Variants in CCDC169 observed in about 807,000 individuals in gnomAD.
CCDC169 encodes the protein coiled-coil domain-containing protein 169.
Under a neutral mutation model 36.0 loss-of-function variants are expected in CCDC169, and 30 were observed. That is an observed-to-expected ratio of 0.83 (90% confidence interval 0.62 to 1.13). The LOEUF is 1.13. Ranked by LOEUF, CCDC169 falls within the 50% of genes most tolerant of loss-of-function variation. The probability of loss-of-function intolerance (pLI) is 0.00; values close to 1 mark genes in which losing one functional copy is unlikely to be tolerated. For missense variants in CCDC169, 245 were observed against 245.9 expected, an observed-to-expected ratio of 1.00 and a Z score of 0.03; for synonymous variants, 85 against 81.5, an observed-to-expected ratio of 1.04 and a Z score of -0.23.
chr13:36,287,382 C>A (rs1336609840), intron 2 of CCDC169, among the ~76,000 whole-genome samples: 2 of 152,124 alleles, frequency 1.3e-5, no homozygotes, highest in African/African-American at 2.4e-5. Flanking sequence ...CCTATTAGGG[C>A]AAATGAAGTT....
At chr13:36,246,353 A>C (rs1280635574) in intron 7 of CCDC169, among the ~76,000 whole-genome samples, 4 of 152,256 alleles carry the variant, frequency 2.6e-5, no homozygotes, top group African/African-American at 4.8e-5. Flanking sequence ...ACTCTAGTGA[A>C]CACACAAATG....
intron 2 of CCDC169, among the ~76,000 whole-genome samples, chr13:36,285,524 T>C (rs1878078502): frequency 6.6e-6 from 1 of 151,804 alleles, no homozygotes; most frequent in African/African-American, 2.4e-5. Context: ...CACTCTAACC[T>C]GGGTGACATA....
intron 7 of CCDC169, among the ~76,000 whole-genome samples, chr13:36,243,736 G>T (rs1332762824): frequency 1.3e-5 from 2 of 152,144 alleles, no homozygotes; most frequent in Non-Finnish European, 2.9e-5. Flanking sequence ...AACCCAGGAG[G>T]CAGAGGTTGC....
intron 2 of CCDC169, among the ~76,000 whole-genome samples, chr13:36,289,861 T>A (rs1201785173): frequency 6.6e-6 from 1 of 152,192 alleles, no homozygotes; most frequent in Non-Finnish European, 1.5e-5. Context: ...TTGAGCCCTT[T>A]AACATTTTTA....
At chr13:36,260,120 G>A (rs912674639) in intron 4 of CCDC169, among the ~76,000 whole-genome samples, 1 of 152,228 alleles carries the variant, frequency 6.6e-6, no homozygotes, top group Non-Finnish European at 1.5e-5. Flanking sequence ...CTATCTAACT[G>A]TTGAGAAGAT....
chr13:36,234,127 C>T (rs1254831524), intron 7 of CCDC169, among the ~76,000 whole-genome samples: 4 of 152,124 alleles, frequency 2.6e-5, no homozygotes, highest in Non-Finnish European at 5.9e-5. Flanking sequence ...ATCTAAGCCC[C>T]CACTCTTTCT....
At chr13:36,277,425 C>T (rs1324936598) in intron 4 of CCDC169, among the ~76,000 whole-genome samples, 1 of 152,084 alleles carries the variant, frequency 6.6e-6, no homozygotes, top group East Asian at 1.9e-4. Flanking sequence ...ACATGTTTAC[C>T]TATGTAACAA....
At chr13:36,237,595 T>C (rs1202334681) in intron 7 of CCDC169, among the ~76,000 whole-genome samples, 1 of 152,130 alleles carries the variant, frequency 6.6e-6, no homozygotes. Flanking sequence ...ACTGGAATAT[T>C]ACTCTGTCAC....
At chr13:36,255,757 T>C (rs1566070699) in intron 4 of CCDC169, among the ~76,000 whole-genome samples, 1 of 152,056 alleles carries the variant, frequency 6.6e-6, no homozygotes, top group African/African-American at 2.4e-5. Flanking sequence ...AATTGCATTC[T>C]GCTTCTCCAA....
At chr13:36,232,498 G>A (rs1407649592) in intron 7 of CCDC169, among the ~76,000 whole-genome samples, 1 of 152,034 alleles carries the variant, frequency 6.6e-6, no homozygotes, top group Non-Finnish European at 1.5e-5. Flanking sequence ...AGCTTAAAAG[G>A]AAAAGCTGAG....
chr13:36,227,501 A>C, downstream of CCDC169: 1 of 1,065,990 alleles, frequency 9.4e-7, no homozygotes, highest in Non-Finnish European at 1.2e-6. Flanking sequence ...TATACACAAA[A>C]ATAAATAAAT....
At chr13:36,255,381 C>T (rs1040130179) in intron 4 of CCDC169, among the ~76,000 whole-genome samples, 2 of 152,070 alleles carry the variant, frequency 1.3e-5, no homozygotes, top group African/African-American at 4.8e-5. Flanking sequence ...GAAAGCCCTG[C>T]TCCCTGGTGT....
intron 4 of CCDC169, chr13:36,282,279 A>AATATGTCTGCATTACACAATT (rs1877630779): frequency 1.1e-5 from 9 of 797,998 alleles, no homozygotes; most frequent in Non-Finnish European, 1.4e-5. Flanking sequence ...GGAAGCCAAA[A>AATATGTCTGCATTACACAATT]ATATGTCTGC....
chr13:36,264,867 A>G (rs1178127682), intron 4 of CCDC169, among the ~76,000 whole-genome samples: 1 of 152,220 alleles, frequency 6.6e-6, no homozygotes, highest in Non-Finnish European at 1.5e-5. Context: ...AGAATCTAAT[A>G]GGGGATTCAG....
At chr13:36,240,672 C>T (rs759795044) in intron 7 of CCDC169, 10 of 1,237,822 alleles carry the variant, frequency 8.1e-6, no homozygotes, top group Non-Finnish European at 1.1e-6. Context: ...TAAAACTGTT[C>T]ATAAGCAGAA....
chr13:36,292,029 T>C (rs1036676609), intron 2 of CCDC169, among the ~76,000 whole-genome samples: 9 of 150,040 alleles, frequency 6.0e-5, no homozygotes, highest in African/African-American at 9.8e-5. Context: ...GTTCTTGTCA[T>C]CCAGGCTGGA....
intron 7 of CCDC169, among the ~76,000 whole-genome samples, chr13:36,247,908 A>G (rs536736631): frequency 7.2e-5 from 11 of 152,322 alleles, no homozygotes; most frequent in African/African-American, 2.6e-4. Flanking sequence ...TGACAGAGAC[A>G]TCTTTCATAA....
intron 4 of CCDC169, chr13:36,282,492 G>T (rs529039152): frequency 1.0e-6 from 1 of 985,120 alleles, no homozygotes; most frequent in African/African-American, 1.7e-5. Context: ...CACCCCTCTT[G>T]GATTCATGAG....
downstream of CCDC169, among the ~76,000 whole-genome samples, chr13:36,227,587 A>G (rs2138364193): frequency 6.6e-6 from 1 of 152,336 alleles, no homozygotes; most frequent in East Asian, 1.9e-4. Flanking sequence ...TTATTGAGAA[A>G]GATCAAATAA....
Sources: allele counts gnomAD v4.1 joint callset (sites outside exome capture counted in the v4.1 genomes callset), GRCh38; gene constraint gnomAD v4.1.1; transcripts MANE v1.5; gene names NCBI Gene and HGNC (gene_info 2026-07-23, HGNC 2026-07-21).